CHSY3: variants seen among roughly 807,000 people sequenced by gnomAD.
CHSY3 encodes the protein N-acetylgalactosaminyl-proteoglycan 3-beta-glucuronosyltransferase 3.
Under a neutral mutation model 67.2 loss-of-function variants are expected in CHSY3, and 35 were observed. The ratio of observed to expected loss-of-function variants is 0.52; its 90% CI spans 0.40 to 0.69. The LOEUF (loss-of-function observed/expected upper bound fraction) is 0.69. CHSY3 is among the 30% of genes least tolerant of loss of function. CHSY3 has a pLI of 0.00. For synonymous variants in CHSY3, 474 were observed against 434.7 expected (o/e 1.09, Z -1.12); for missense variants, 1,069 against 1,138.5 (o/e 0.94, Z 0.88).
chr5:129,997,006 A>G (rs1763559139), intron 2 of CHSY3, among the ~76,000 whole-genome samples: 1 of 152,112 alleles, frequency 6.6e-6, no homozygotes, highest in African/African-American at 2.4e-5. Context: ...TTTGTTCATA[A>G]CTATGCCTTC....
intron 2 of CHSY3, among the ~76,000 whole-genome samples, chr5:130,169,139 G>T (rs144299686): frequency 6.6e-6 from 1 of 152,026 alleles, no homozygotes; most frequent in East Asian, 1.9e-4. Context: ...TTGTCAATTA[G>T]ATTTCACTAA....
In CHSY3 at chr5:130,057,744, A is replaced by G. The variant is rs186524861; in HGVS notation, c.1087-126485A>G. Among the ~76,000 whole-genome samples, 74 of 152,290 alleles carry G rather than the reference A, an allele frequency of 4.9e-4. No homozygotes were observed. In the East Asian group the frequency reaches 0.013, roughly 27 times the overall value. On this transcript the variant is annotated intron_variant, in intron 2 of 2. Coordinates refer to ENST00000305031, the MANE Select transcript of CHSY3 (RefSeq NM_175856.5). Reference sequence around the variant, plus strand: ...CTCCAGTAGTAACTCTGTTGATGAAAACATTCGTACCAAGATGTTTACCCA... The same window carrying G: ...CTCCAGTAGTAACTCTGTTGATGAAGACATTCGTACCAAGATGTTTACCCA...
At chr5:130,166,057 A>T (rs1769737784) in intron 2 of CHSY3, among the ~76,000 whole-genome samples, 1 of 152,146 alleles carries the variant, frequency 6.6e-6, no homozygotes. Context: ...CAAATCCAAA[A>T]CCTAGTGAGA....
At chr5:130,163,942 C>T (rs1162487105) in intron 2 of CHSY3, among the ~76,000 whole-genome samples, 1 of 152,178 alleles carries the variant, frequency 6.6e-6, no homozygotes, top group African/African-American at 2.4e-5. Flanking sequence ...GAGTAGCATT[C>T]AGATTAACAG....
chr5:129,941,955 T>C (rs1761712334), intron 2 of CHSY3, among the ~76,000 whole-genome samples: 1 of 152,146 alleles, frequency 6.6e-6, no homozygotes, highest in African/African-American at 2.4e-5. Flanking sequence ...AGTGGTTTAT[T>C]ATAAAGGACA....
At chr5:129,918,788 G>T (rs1760815022) in intron 2 of CHSY3, among the ~76,000 whole-genome samples, 1 of 146,240 alleles carries the variant, frequency 6.8e-6, no homozygotes, top group Non-Finnish European at 1.5e-5. Flanking sequence ...ATCATACATT[G>T]TAGATCAGTG....
At chr5:130,113,759 G>T (rs1344485071) in intron 2 of CHSY3, among the ~76,000 whole-genome samples, 1 of 151,974 alleles carries the variant, frequency 6.6e-6, no homozygotes, top group Admixed American at 6.6e-5. Context: ...TCACAAAATG[G>T]AATCATTTTT....
chr5:129,935,825 T>C (rs1761469681), intron 2 of CHSY3, among the ~76,000 whole-genome samples: 1 of 152,194 alleles, frequency 6.6e-6, no homozygotes, highest in African/African-American at 2.4e-5. Flanking sequence ...CAGCTGTTGT[T>C]TAGACAGTAT....
chr5:130,100,894 CAT>C (rs915000400), intron 2 of CHSY3, among the ~76,000 whole-genome samples: 21 of 152,296 alleles, frequency 1.4e-4, no homozygotes, highest in African/African-American at 4.6e-4. Context: ...TCTAATCAAA[CAT>C]AAACTGTGCA....
At chr5:130,116,696 G>C (rs1261472803) in intron 2 of CHSY3, among the ~76,000 whole-genome samples, 1 of 152,184 alleles carries the variant, frequency 6.6e-6, no homozygotes, top group African/African-American at 2.4e-5. Flanking sequence ...AGATCCCACA[G>C]AGCCCATCTG....
chr5:130,147,143 A>C (rs569460759), intron 2 of CHSY3, among the ~76,000 whole-genome samples: 1 of 152,264 alleles, frequency 6.6e-6, no homozygotes, highest in Non-Finnish European at 1.5e-5. Flanking sequence ...TTTCCACATG[A>C]TATATCTGAG....
At chr5:130,092,368 T>C (rs1018563116) in intron 2 of CHSY3, among the ~76,000 whole-genome samples, 1 of 152,194 alleles carries the variant, frequency 6.6e-6, no homozygotes, top group African/African-American at 2.4e-5. Context: ...AAGCTAGACC[T>C]GCATAAGTGG....
intron 2 of CHSY3, among the ~76,000 whole-genome samples, chr5:130,077,200 C>T (rs1333326044): frequency 6.6e-6 from 1 of 151,952 alleles, no homozygotes; most frequent in African/African-American, 2.4e-5. Context: ...ATGGTGCCCA[C>T]ATGTGGCCAG....
Position 130,184,280 on chromosome 5 carries a change from C to A in CHSY3, c.1138C>A (p.Gln380Lys), listed in dbSNP as rs144535982. 36 of 1,612,898 alleles carry A rather than the reference C, an allele frequency of 2.2e-5. No individual in the cohort carries two copies. In the African/African-American group the frequency reaches 4.5e-4, roughly 20 times the overall value. Residue 380 changes from glutamine (Q) to lysine (K), a missense_variant, in exon 3 of 3, where the codon CAA becomes AAA. Physicochemically the swap from Gln to Lys is moderately conservative, Grantham distance 53. Coordinates refer to ENST00000305031, the MANE Select transcript of CHSY3 (RefSeq NM_175856.5). ...TGAACACAATCGGAAGGGTTACATC[C>A]AAGACCTTCACAATAGCAAAATCCA... ...NYEHNRKGYI[Q>K]DLHNSKIHAA... is the part of the protein sequence containing the mutation.
Position 130,066,614 on chromosome 5 carries a change from G to C in CHSY3, c.1087-117615G>C, listed in dbSNP as rs1042849675. On this transcript the variant is annotated intron_variant, in intron 2 of 2. Transcript: ENST00000305031. The stretch of plus-strand genomic sequence containing the variant: ...TCTCAAGAATTCCACCCAGTCCTTA[G>C]GTTAGTAAAGCTTTACTTGGTCCTA... Among the ~76,000 whole-genome samples the C allele has an allele frequency of 2.0e-5, 3 of 152,098 alleles. 1 individual carries two copies. Among genetic ancestry groups the C allele is most frequent in the Non-Finnish European group, 4.4e-5 (3 of 68,006 alleles).
Position 130,160,909 on chromosome 5 carries a change from AT to A in CHSY3, c.1087-23307del, listed in dbSNP as rs760822099. Among the ~76,000 whole-genome samples, 596 of 136,144 alleles carry A rather than the reference AT, an allele frequency of 4.4e-3. 7 individuals are homozygous for A. Among genetic ancestry groups the A allele is most frequent in the South Asian group, 0.038 (167 of 4,448 alleles). The allele number at this position is 136,144 out of a possible 152,430, so 89.3% of individuals were successfully genotyped here. A position where few individuals can be genotyped will look rare whatever the true frequency, so the allele number is the denominator to read the frequency against. The stretch of plus-strand genomic sequence containing the variant: ...TTTATTTATTTATTTTTTTTTTTTT[AT>A]TTTTTTTTTTTTGAGACGGAGTCTC... On this transcript the variant is annotated intron_variant, in intron 2 of 2. Coordinates refer to ENST00000305031, the MANE Select transcript of CHSY3 (RefSeq NM_175856.5).
intron 2 of CHSY3, among the ~76,000 whole-genome samples, chr5:129,985,131 C>A (rs571548032): frequency 6.6e-6 from 1 of 152,212 alleles, no homozygotes; most frequent in East Asian, 1.9e-4. Context: ...CCTAAGTTTT[C>A]TTCTAGAGTT....
intron 2 of CHSY3, among the ~76,000 whole-genome samples, chr5:130,043,648 C>G (rs184096959): frequency 9.9e-5 from 15 of 152,158 alleles, no homozygotes; most frequent in Admixed American, 6.5e-4. Flanking sequence ...AGTACTGTTG[C>G]CTTCTAGTAT....
chr5:129,995,611 TTCGTTCC>T (rs1304714555), intron 2 of CHSY3, among the ~76,000 whole-genome samples: 1 of 151,704 alleles, frequency 6.6e-6, no homozygotes, highest in Non-Finnish European at 1.5e-5. Flanking sequence ...ATTAAGGTTC[TTCGTTCC>T]TTCCTTCTCT....
Sources: allele counts gnomAD v4.1 joint callset (sites outside exome capture counted in the v4.1 genomes callset), GRCh38; gene constraint gnomAD v4.1.1; transcripts MANE v1.5; gene names NCBI Gene and HGNC (gene_info 2026-07-23, HGNC 2026-07-21).